Variants in RIC1 observed in about 807,000 individuals in gnomAD.
The protein encoded by RIC1 is guanine nucleotide exchange factor subunit RIC1.
In RIC1, 88 loss-of-function variants were observed where a neutral mutation model predicts 169.0. The observed-to-expected ratio is 0.52, with a 90% CI of 0.44 to 0.62. The LOEUF (loss-of-function observed/expected upper bound fraction) is 0.62, where lower values mean the gene tolerates loss of function less well. Ranked by LOEUF, RIC1 falls within the 20% of genes least tolerant of loss-of-function variation. The pLI is 0.00. For missense variants in RIC1, 1,877 were observed against 1,725.5 expected, an observed-to-expected ratio of 1.09 and a Z score of -1.56; for synonymous variants, 790 against 601.5, an observed-to-expected ratio of 1.31 and a Z score of -4.59.
intron 1 of RIC1, among the ~76,000 whole-genome samples, chr9:5,636,442 C>T (rs1371733113): frequency 2.6e-5 from 4 of 152,100 alleles, no homozygotes; most frequent in African/African-American, 9.7e-5. Context: ...GCCCCAGCCT[C>T]CTGAGTAGCT....
intron 2 of RIC1, among the ~76,000 whole-genome samples, chr9:5,666,607 T>G (rs567943285): frequency 6.6e-6 from 1 of 152,340 alleles, no homozygotes; most frequent in Admixed American, 6.5e-5. Flanking sequence ...GGTGTTAAAT[T>G]TTGTCAAATG....
intron 3 of RIC1, among the ~76,000 whole-genome samples, chr9:5,690,431 C>G (rs1821526419): frequency 6.6e-6 from 1 of 151,942 alleles, no homozygotes; most frequent in South Asian, 2.1e-4. Context: ...CAGTTATTAC[C>G]TCTTGGTTTA....
rs1307270962 is a variant in RIC1 at position 5,638,975 on chromosome 9, G to A, written c.144+9522G>A. Among the ~76,000 whole-genome samples the A allele has an allele frequency of 3.9e-5, 6 of 152,052 alleles. 1 individual carries two copies. Among genetic ancestry groups the A allele is most frequent in the Non-Finnish European group, 8.8e-5 (6 of 68,020 alleles). On this transcript the variant is annotated intron_variant, in intron 1 of 25. Transcript: ENST00000414202. ...TTATTCTCCAGGCTAGAGTGCAGTG[G>A]TGCAATCTCGTCTCACTGTAGCCTC...
intron 16 of RIC1, among the ~76,000 whole-genome samples, chr9:5,756,842 A>C (rs1178232763): frequency 1.3e-5 from 2 of 152,152 alleles, no homozygotes; most frequent in Admixed American, 6.5e-5. Flanking sequence ...ACGTTGCCTT[A>C]TATTTGTCTT....
At chr9:5,660,364 T>A (rs1586897933) in intron 2 of RIC1, among the ~76,000 whole-genome samples, 1 of 152,204 alleles carries the variant, frequency 6.6e-6, no homozygotes, top group East Asian at 1.9e-4. Context: ...TTGGGGGGTA[T>A]ACCCAGTAAT....
chr9:5,689,515 G>C (rs937699081), intron 2 of RIC1, among the ~76,000 whole-genome samples: 1 of 152,130 alleles, frequency 6.6e-6, no homozygotes, highest in Non-Finnish European at 1.5e-5. Context: ...TAAATATGCT[G>C]TTCTGAAGTT....
At chr9:5,640,304 A>G (rs1818176893) in intron 1 of RIC1, among the ~76,000 whole-genome samples, 1 of 152,200 alleles carries the variant, frequency 6.6e-6, no homozygotes, top group Admixed American at 6.5e-5. Context: ...AACTCACGAC[A>G]ACTTAACACT....
intron 12 of RIC1, among the ~76,000 whole-genome samples, chr9:5,751,851 C>T (rs981063579): frequency 5.3e-5 from 8 of 152,180 alleles, no homozygotes; most frequent in Admixed American, 1.3e-4. Context: ...AATTTTCTGT[C>T]TTCACATTAC....
chr9:5,645,927 GT>G (rs1818485842), intron 1 of RIC1, among the ~76,000 whole-genome samples: 1 of 141,590 alleles, frequency 7.1e-6, no homozygotes, highest in African/African-American at 2.6e-5. Flanking sequence ...TGGACCTGCT[GT>G]TTCATTTGGT....
chr9:5,668,286 C>T (rs1283463501), intron 2 of RIC1, among the ~76,000 whole-genome samples: 1 of 152,152 alleles, frequency 6.6e-6, no homozygotes, highest in Non-Finnish European at 1.5e-5. Context: ...TGGTTGGGGA[C>T]ACAGCCAAAC....
intron 8 of RIC1, among the ~76,000 whole-genome samples, chr9:5,739,539 GC>G (rs1824936702): frequency 6.6e-6 from 1 of 152,102 alleles, no homozygotes; most frequent in South Asian, 2.1e-4. Context: ...ACCTCTAGAG[GC>G]CTGCCAGGAC....
intron 12 of RIC1, among the ~76,000 whole-genome samples, chr9:5,752,356 A>C (rs1825771302): frequency 6.6e-6 from 1 of 152,206 alleles, no homozygotes; most frequent in East Asian, 1.9e-4. Flanking sequence ...TTAGAGATAG[A>C]ATAAAAGCTA....
At chr9:5,658,945 C>G (rs1368504359) in intron 2 of RIC1, among the ~76,000 whole-genome samples, 1 of 149,542 alleles carries the variant, frequency 6.7e-6, no homozygotes, top group Non-Finnish European at 1.5e-5. Context: ...AAAATGTTTT[C>G]AAATATGAAT....
intron 3 of RIC1, among the ~76,000 whole-genome samples, chr9:5,711,970 T>C (rs1563919117): frequency 6.6e-6 from 1 of 152,246 alleles, no homozygotes; most frequent in Non-Finnish European, 1.5e-5. Flanking sequence ...TAATCCAGTC[T>C]ATCATTGTTG....
chr9:5,772,589 C>G lies in RIC1; in HGVS notation c.3642C>G (p.Ala1214=). The G allele has an allele frequency of 6.2e-7, 1 of 1,612,788 alleles. No homozygotes were observed. The highest frequency in any genetic ancestry group is 8.5e-7 in the Non-Finnish European group (1 of 1,179,508). The change falls in exon 24 of 26, where the codon GCC becomes GCG. Residue 1214 remains alanine (A), a synonymous_variant. Coordinates refer to ENST00000414202, the MANE Select transcript of RIC1 (RefSeq NM_020829.4). ...GTGATGAATGCAGTATTGGTTCAGC[C>G]ACAGACTTGACTGAAAGTAGCTCCA... The part of the protein sequence containing the change: ...NKGDECSIGS[A]TDLTESSSMV...
chr9:5,712,634 G>C (rs1823002040), intron 3 of RIC1, among the ~76,000 whole-genome samples: 1 of 152,138 alleles, frequency 6.6e-6, no homozygotes, highest in South Asian at 2.1e-4. Flanking sequence ...AGCCCTATTT[G>C]AATTTTAACT....
Position 5,742,906 on chromosome 9 carries a change from A to G in RIC1, c.939A>G (p.Arg313=). 17 of 1,613,064 alleles carry G rather than the reference A, an allele frequency of 1.1e-5. No homozygotes were observed. The highest frequency in any genetic ancestry group is 1.4e-5 in the Non-Finnish European group (17 of 1,179,348). ...AAACAGGAGCTGTTAAATTGATGAGATGGTCTCCTGACAATAGTGTTGTAA... is the reference window on the plus strand; with the variant it reads ...AAACAGGAGCTGTTAAATTGATGAGGTGGTCTCCTGACAATAGTGTTGTAA... ...WNKTGAVKLM[R]WSPDNSVVIV... is the part of the protein sequence containing the mutation. Residue 313 remains arginine (R), a synonymous_variant, in exon 9 of 26, where the codon AGA becomes AGG. Transcript: ENST00000414202.
At position 5,745,949 on chromosome 9, in the gene RIC1, T is replaced by A. The variant is rs750704792; in HGVS notation, c.1114T>A (p.Tyr372Asn). The A allele has an allele frequency of 5.6e-6, 9 of 1,613,466 alleles. No individual in the cohort carries two copies. Among genetic ancestry groups the A allele is most frequent in the Non-Finnish European group, 7.6e-6 (9 of 1,179,532 alleles). The change falls in exon 11 of 26, where the codon TAT becomes AAT. Residue 372 changes from tyrosine to asparagine, a missense_variant. By Grantham distance (143) the Tyr-to-Asn change is moderately radical. Transcript: ENST00000414202. ...INSMSWGAEGYHLWVISGFGS... is the reference protein window; with the variant it reads ...INSMSWGAEGNHLWVISGFGS... ...CTCTAAGAGCTGGGGTGCAGAAGGC[T>A]ATCACCTATGGGTAATCAGCGGATT...
intron 6 of RIC1, among the ~76,000 whole-genome samples, chr9:5,722,333 CTA>C (rs1823649837): frequency 1.7e-5 from 1 of 60,230 alleles, no homozygotes; most frequent in Non-Finnish European, 3.3e-5. Context: ...CTTGCAAAAA[CTA>C]TAAGAGAGAG....
Sources: allele counts gnomAD v4.1 joint callset (sites outside exome capture counted in the v4.1 genomes callset), GRCh38; gene constraint gnomAD v4.1.1; transcripts MANE v1.5; gene names NCBI Gene and HGNC (gene_info 2026-07-23, HGNC 2026-07-21).